The following CNTNAP2 variants were observed in gnomAD, a reference collection of about 807,000 sequenced individuals.
CNTNAP2 encodes contactin associated protein 2, also known as contactin-associated protein-like 2.
CNTNAP2 carries 98 observed loss-of-function variants against 155.2 expected under a neutral mutation model. The observed-to-expected ratio is 0.63, with a 90% confidence interval of 0.54 to 0.75. The LOEUF is 0.75. Ranked by LOEUF, CNTNAP2 falls within the 30% of genes least tolerant of loss-of-function variation. CNTNAP2 has a pLI of 0.00. For missense variants in CNTNAP2, 1,727 were observed against 1,688.1 expected (o/e 1.02, Z -0.40); for synonymous variants, 651 against 631.2 (o/e 1.03, Z -0.47).
chr7:147,780,534 CCTTAAGA>C (rs1797647395), intron 13 of CNTNAP2, among the ~76,000 whole-genome samples: 1 of 152,066 alleles, frequency 6.6e-6, no homozygotes, highest in Non-Finnish European at 1.5e-5. Context: ...ATCTGCTGGT[CCTTAAGA>C]GTAATTGCTG....
At chr7:147,303,297 C>T (rs543559920) in intron 9 of CNTNAP2, among the ~76,000 whole-genome samples, 1 of 152,304 alleles carries the variant, frequency 6.6e-6, no homozygotes, top group South Asian at 2.1e-4. Flanking sequence ...CCCAGTTTGG[C>T]ATTCAGTTCA....
At position 148,068,317 on chromosome 7, in the gene CNTNAP2, G is replaced by A. The variant is rs528123013; in HGVS notation, c.2384-49801G>A. On this transcript the variant is annotated intron_variant, in intron 15 of 23. Coordinates refer to ENST00000361727, the MANE Select transcript of CNTNAP2 (RefSeq NM_014141.6). ...ACCTCTATGAGGTAAAGTCAGAAAC[G>A]GCTTCCCTGGGCACCAGGAATGCCT... 2.6e-5 allele frequency among the ~76,000 whole-genome samples: 4 copies of A among 152,264 alleles called. No homozygotes were observed. In the South Asian group the frequency reaches 8.3e-4, roughly 32 times the overall value.
At chr7:146,179,778 A>G (rs998829223) in intron 1 of CNTNAP2, among the ~76,000 whole-genome samples, 4 of 152,186 alleles carry the variant, frequency 2.6e-5, no homozygotes, top group Admixed American at 6.6e-5. Flanking sequence ...TTATTGTAGA[A>G]TATAGATTAG....
chr7:146,716,266 A>G (rs1004693779), intron 1 of CNTNAP2, among the ~76,000 whole-genome samples: 47 of 151,844 alleles, frequency 3.1e-4, no homozygotes, highest in African/African-American at 1.1e-3. Flanking sequence ...TGCTGTAAGC[A>G]GGACAAATTC....
At chr7:147,754,183 C>A (rs956781716) in intron 13 of CNTNAP2, among the ~76,000 whole-genome samples, 1 of 152,110 alleles carries the variant, frequency 6.6e-6, no homozygotes, top group African/African-American at 2.4e-5. Flanking sequence ...CTGATTAAAA[C>A]AAATTATCGC....
At position 146,338,888 on chromosome 7, in the gene CNTNAP2, A is replaced by T. The variant is rs565701187; in HGVS notation, c.97+221915A>T. On this transcript the variant is annotated intron_variant, in intron 1 of 23. Transcript: ENST00000361727. ...TAGATACAGAAAAGATTTTTTTTTT[A>T]AAAAAGGTTTCAGGCCAGGCACTAT... Among the ~76,000 whole-genome samples, 749 of 119,076 alleles carry T rather than the reference A, an allele frequency of 6.3e-3. 7 individuals carry two copies. Among genetic ancestry groups the T allele is most frequent in the African/African-American group, 0.011 (220 of 20,176 alleles). The allele number at this position is 119,076 out of a possible 152,430, so 78.1% of individuals were successfully genotyped here.
chr7:148,151,424 G>A (rs1370291778), intron 17 of CNTNAP2, among the ~76,000 whole-genome samples: 1 of 151,940 alleles, frequency 6.6e-6, no homozygotes, highest in Non-Finnish European at 1.5e-5. Flanking sequence ...TCCTCTCTCG[G>A]CCTCCTGTGT....
intron 3 of CNTNAP2, among the ~76,000 whole-genome samples, chr7:146,857,767 C>A (rs1314030722): frequency 6.6e-6 from 1 of 152,114 alleles, no homozygotes; most frequent in African/African-American, 2.4e-5. Context: ...TAGGACTATT[C>A]CTGATGTAAG....
chr7:146,969,783 G>A (rs1797742276), intron 3 of CNTNAP2, among the ~76,000 whole-genome samples: 1 of 152,072 alleles, frequency 6.6e-6, no homozygotes, highest in Non-Finnish European at 1.5e-5. Flanking sequence ...CACAGCTGGA[G>A]GTATCACGCT....
intron 3 of CNTNAP2, among the ~76,000 whole-genome samples, chr7:147,043,386 G>A (rs1799296172): frequency 6.6e-6 from 1 of 152,090 alleles, no homozygotes; most frequent in Admixed American, 6.6e-5. Flanking sequence ...ACATGTTTCT[G>A]ATCCATTGAA....
intron 9 of CNTNAP2, among the ~76,000 whole-genome samples, chr7:147,317,804 G>GTGTATATATGTGTATA (rs796999687): frequency 1.4e-5 from 1 of 72,444 alleles, no homozygotes; most frequent in African/African-American, 5.9e-5. Context: ...GTGTGTATAT[G>GTGTATATATGTGTATA]TATATATATG....
intron 1 of CNTNAP2, among the ~76,000 whole-genome samples, chr7:146,515,169 C>T (rs1406599344): frequency 6.6e-6 from 1 of 151,980 alleles, no homozygotes; most frequent in Non-Finnish European, 1.5e-5. Flanking sequence ...GTTGCAAGCC[C>T]CTCTTTGATT....
intron 1 of CNTNAP2, among the ~76,000 whole-genome samples, chr7:146,720,643 C>G (rs1162944869): frequency 6.6e-6 from 1 of 151,742 alleles, no homozygotes; most frequent in African/African-American, 2.4e-5. Flanking sequence ...GAAATGACAC[C>G]TATTTTGGAG....
At chr7:146,301,066 C>G (rs536206462) in intron 1 of CNTNAP2, among the ~76,000 whole-genome samples, 1 of 152,100 alleles carries the variant, frequency 6.6e-6, no homozygotes, top group Admixed American at 6.6e-5. Context: ...GTTAAGAGAC[C>G]ATACTTCAGT....
At chr7:147,975,196 G>A (rs1450608287) in intron 14 of CNTNAP2, among the ~76,000 whole-genome samples, 1 of 151,854 alleles carries the variant, frequency 6.6e-6, no homozygotes, top group Admixed American at 6.6e-5. Flanking sequence ...GGTAGAAGGA[G>A]CTAGGCACAA....
At chr7:146,848,847 A>C (rs1479353107) in intron 3 of CNTNAP2, among the ~76,000 whole-genome samples, 1 of 152,220 alleles carries the variant, frequency 6.6e-6, no homozygotes, top group Non-Finnish European at 1.5e-5. Context: ...ATTTCAGCTC[A>C]TTGCAACCTC....
At chr7:146,319,041 C>T (rs1208504738) in intron 1 of CNTNAP2, among the ~76,000 whole-genome samples, 4 of 151,958 alleles carry the variant, frequency 2.6e-5, no homozygotes, top group Non-Finnish European at 5.9e-5. Flanking sequence ...ACAGATCCAA[C>T]ATGTCTTAGG....
chr7:148,282,210 T>C (rs2116463062), intron 21 of CNTNAP2, among the ~76,000 whole-genome samples: 1 of 152,334 alleles, frequency 6.6e-6, no homozygotes. Flanking sequence ...GGACAATAAA[T>C]AATTAATACA....
Position 148,160,410 on chromosome 7 carries a change from T to TA in CNTNAP2, c.2774-11818dup, listed in dbSNP as rs532581576. Among the ~76,000 whole-genome samples, 1,108 of 133,476 alleles carry TA rather than the reference T, an allele frequency of 8.3e-3. 23 individuals are homozygous for TA. Among genetic ancestry groups the TA allele is most frequent in the African/African-American group, 0.027 (976 of 36,348 alleles). The allele number at this position is 133,476 out of a possible 152,430, so 87.6% of individuals were successfully genotyped here. A position where few individuals can be genotyped will look rare whatever the true frequency, so the allele number is the denominator to read the frequency against. On this transcript the variant is annotated intron_variant, in intron 17 of 23. Transcript: ENST00000361727. ...TGGGGACAGAGCGAGACCCTAACTCTAAAAAAAAAAAAAAGAAAAAAGATA... is the reference window on the plus strand; with the variant it reads ...TGGGGACAGAGCGAGACCCTAACTCTAAAAAAAAAAAAAAAGAAAAAAGATA...
Sources: gnomAD v4.1 joint callset for allele counts (sites outside exome capture counted in the v4.1 genomes callset) on GRCh38, gnomAD v4.1.1 for gene constraint, MANE v1.5 for transcripts, NCBI Gene and HGNC (gene_info 2026-07-23, HGNC 2026-07-21) for gene names.